Variants in BEND2 observed in about 807,000 individuals in gnomAD.
The protein encoded by BEND2 is BEN domain containing 2.
BEND2 carries 19 observed loss-of-function variants against 43.8 expected under a neutral mutation model. The ratio of observed to expected loss-of-function variants is 0.43; its 90% CI spans 0.30 to 0.64. BEND2 has a LOEUF of 0.64. Among genes scored for constraint, BEND2 ranks in the 30% least tolerant of loss-of-function variants. The pLI, the probability that BEND2 is intolerant of heterozygous loss-of-function variation, is 0.11. For synonymous variants in BEND2, 226 were observed against 210.1 expected (o/e 1.08, Z -0.66); for missense variants, 544 against 574.0 (o/e 0.95, Z 0.53).
At chrX:18,168,371 T>C (rs1349668507) in intron 13 of BEND2, among the ~76,000 whole-genome samples, 1 of 111,483 alleles carries the variant, frequency 9.0e-6, no homozygotes, top group African/African-American at 3.3e-5. Flanking sequence ...AGGACAAAAG[T>C]GTATGATTTA....
At position 18,164,714 on chromosome X, in the gene BEND2, A is replaced by T; in HGVS notation, c.*295T>A. ...TTTCTTTCTCTACCTTATCAAAAAA[A>T]CAAAGTATATTAATGTCAATTATCT... On this transcript the variant is annotated 3_prime_UTR_variant, in exon 14 of 14. Coordinates refer to ENST00000380033, the MANE Select transcript of BEND2 (RefSeq NM_153346.5). 4.8e-6 allele frequency: 1 copy of T among 210,376 alleles called. No homozygotes were observed. The highest frequency in any genetic ancestry group is 2.9e-5 in the African/African-American group (1 of 34,909). The allele number at this position is 210,376 out of a possible 1,213,427, so 17.3% of individuals were successfully genotyped here. A position where few individuals can be genotyped will look rare whatever the true frequency, so the allele number is the denominator to read the frequency against.
At chrX:18,169,725 T>C (rs1262886606) in intron 13 of BEND2, among the ~76,000 whole-genome samples, 2 of 112,310 alleles carry the variant, frequency 1.8e-5, no homozygotes, top group East Asian at 5.6e-4. Flanking sequence ...ATTGCCCTTC[T>C]ACAAAGCAAT....
rs1381003635 is a variant in BEND2 at position 18,191,090 on chromosome X, C to T, written c.1199G>A (p.Ser400Asn). Residue 400 changes from serine (S) to asparagine (N), a missense_variant, in exon 8 of 14, where the codon AGT becomes AAT. Transcript: ENST00000380033. ...TSNFESGPQM[S>N]YGTMSYSTEM... Reference sequence around the variant, plus strand: ...AGTTGAGTAACTCATTGTCCCATAACTCATTTGTGGGCCAGATTCTGTTTT... The same window carrying T: ...AGTTGAGTAACTCATTGTCCCATAATTCATTTGTGGGCCAGATTCTGTTTT... 1.5e-5 allele frequency: 18 copies of T among 1,202,488 alleles called. No individual in the cohort carries two copies. The highest frequency in any genetic ancestry group is 1.9e-5 in the Non-Finnish European group (17 of 890,781).
chrX:18,192,040 T>C (rs1303504768), intron 7 of BEND2, among the ~76,000 whole-genome samples: 1 of 111,916 alleles, frequency 8.9e-6, no homozygotes, highest in Non-Finnish European at 1.9e-5. Flanking sequence ...TGAATCTAGA[T>C]TAAATAGTGC....
chrX:18,204,866 A>C (rs1433930779), intron 4 of BEND2, among the ~76,000 whole-genome samples: 1 of 111,987 alleles, frequency 8.9e-6, no homozygotes, highest in African/African-American at 3.2e-5. Flanking sequence ...AATCTGCTAA[A>C]AGACCAAATA....
chrX:18,212,323 TC>T (rs905756125), intron 4 of BEND2, among the ~76,000 whole-genome samples: 7 of 110,419 alleles, frequency 6.3e-5, no homozygotes, highest in Admixed American at 9.7e-5. Context: ...GGTCTCAAAC[TC>T]CTGACCTCAG....
Position 18,177,592 on chromosome X carries a change from G to T in BEND2, c.1607C>A (p.Pro536Gln), listed in dbSNP as rs139599869. 2.5e-6 allele frequency: 3 copies of T among 1,208,289 alleles called. No homozygotes were observed. The African/African-American group carries it at 5.3e-5, about 21-fold the overall frequency. The change falls in exon 10 of 14, where the codon CCG becomes CAG. Residue 536 changes from proline to glutamine, a missense_variant. Transcript: ENST00000380033. The part of the protein sequence containing the change: ...IHLKDSQSLD[P>Q]NKMAALREYL... ...ACCTCTCAATGCAGCCATTTTGTTCGGGTCGAGGGATTGGCTGTCTTTCAA... is the reference window on the plus strand; with the variant it reads ...ACCTCTCAATGCAGCCATTTTGTTCTGGTCGAGGGATTGGCTGTCTTTCAA...
chrX:18,184,182 G>C (rs1028212773), intron 8 of BEND2, among the ~76,000 whole-genome samples: 7 of 111,250 alleles, frequency 6.3e-5, no homozygotes, highest in Non-Finnish European at 1.3e-4. Flanking sequence ...CCTTTGTTTG[G>C]GGGGACGTAA....
chrX:18,198,595 C>T (rs1056744271), intron 6 of BEND2, among the ~76,000 whole-genome samples: 2 of 111,717 alleles, frequency 1.8e-5, no homozygotes, highest in Non-Finnish European at 3.8e-5. Context: ...CACTTTTACA[C>T]TGGTGGTGGG....
intron 9 of BEND2, 148 bp downstream of exon 9, chrX:18,180,362 A>G (rs1764571816): frequency 6.9e-6 from 6 of 869,141 alleles, no homozygotes; most frequent in Middle Eastern, 3.7e-4. Context: ...CGTAATATGC[A>G]CTCAATAAAT....
intron 5 of BEND2, among the ~76,000 whole-genome samples, 191 bp from the exon 6 acceptor site, chrX:18,202,131 AT>A (rs1221095291): frequency 1.8e-5 from 2 of 112,041 alleles, no homozygotes. Context: ...AAAAAAGAAG[AT>A]GATGAAAGAA....
intron 6 of BEND2, among the ~76,000 whole-genome samples, chrX:18,197,816 A>G (rs1925007151): frequency 9.0e-6 from 1 of 111,551 alleles, no homozygotes; most frequent in Non-Finnish European, 1.9e-5. Flanking sequence ...GAATTCCCGC[A>G]TGTTGTGGGA....
intron 6 of BEND2, among the ~76,000 whole-genome samples, chrX:18,201,315 G>A (rs1602048268): frequency 3.4e-5 from 3 of 88,395 alleles, no homozygotes. Context: ...AGAATCACTT[G>A]AACCCAGGAG....
chrX:18,186,275 T>C (rs1924564629), intron 8 of BEND2, among the ~76,000 whole-genome samples: 1 of 109,647 alleles, frequency 9.1e-6, no homozygotes, highest in Non-Finnish European at 1.9e-5. Flanking sequence ...CTGGCCAACA[T>C]GGTGAAACCC....
In BEND2 at chrX:18,195,451, A is replaced by G. The variant is rs200748581; in HGVS notation, c.1034-9T>C. ...AAGTATAATTTTCTCAGCTATTGGG[A>G]AAAAAAAAGAATGCTCAATCATAAA... On this transcript the variant is annotated splice_polypyrimidine_tract_variant and intron_variant, in intron 6 of 13. Transcript: ENST00000380033. The G allele has an allele frequency of 1.4e-4, 161 of 1,141,750 alleles. No homozygotes were observed. In the South Asian group the frequency reaches 1.9e-3, roughly 13 times the overall value. 94.1% of individuals were successfully genotyped at this position (1,141,750 alleles called of 1,213,427 possible).
chrX:18,193,463 C>T (rs964044962), intron 7 of BEND2, among the ~76,000 whole-genome samples: 8 of 111,744 alleles, frequency 7.2e-5, no homozygotes, highest in Middle Eastern at 4.2e-3. Flanking sequence ...GAACTAAATG[C>T]ACACAAACAA....
chrX:18,201,399 A>AAC, intron 6 of BEND2, among the ~76,000 whole-genome samples: 1 of 96,611 alleles, frequency 1.0e-5, no homozygotes, highest in Non-Finnish European at 2.0e-5. Flanking sequence ...TCCATCTCAA[A>AAC]AAAAAAAAAA....
chrX:18,218,081 C>T lies in BEND2; in HGVS notation c.26-1348G>A, dbSNP rs181088361. Among the ~76,000 whole-genome samples the T allele has an allele frequency of 4.1e-3, 450 of 108,853 alleles. 1 individual carries two copies. The highest frequency in any genetic ancestry group is 5.9e-3 in the Non-Finnish European group (307 of 52,468). The allele number at this position is 108,853 out of a possible 115,157, so 94.5% of individuals were successfully genotyped here. On this transcript the variant is annotated intron_variant, in intron 1 of 13. Coordinates refer to ENST00000380033, the MANE Select transcript of BEND2 (RefSeq NM_153346.5). ...TCCCGCCACTGCACTCCAGCCTGGG[C>T]GACAAAACGAGACCCTGTCTCAAAC...
chrX:18,217,860 C>T (rs776611341), intron 1 of BEND2, among the ~76,000 whole-genome samples: 2 of 110,340 alleles, frequency 1.8e-5, no homozygotes, highest in Non-Finnish European at 3.8e-5. Flanking sequence ...TGGGGCAGAT[C>T]GCTTGAGCTC....
Sources: gnomAD v4.1 joint callset for allele counts (sites outside exome capture counted in the v4.1 genomes callset) on GRCh38, gnomAD v4.1.1 for gene constraint, MANE v1.5 for transcripts, NCBI Gene and HGNC (gene_info 2026-07-23, HGNC 2026-07-21) for gene names.